SUFU: variants seen among roughly 807,000 people sequenced by gnomAD.
SUFU encodes suppressor of fused homolog.
SUFU carries 7 observed loss-of-function variants against 58.9 expected under a neutral mutation model. That is an observed-to-expected ratio of 0.12 (90% CI 0.07 to 0.22). SUFU has a LOEUF of 0.22. Ranked by LOEUF, SUFU falls within the 10% of genes least tolerant of loss-of-function variation. SUFU has a pLI of 1.00. For missense variants in SUFU, 451 were observed against 641.3 expected, an observed-to-expected ratio of 0.70 and a Z score of 3.20; for synonymous variants, 232 against 254.8, an observed-to-expected ratio of 0.91 and a Z score of 0.85.
At chr10:102,531,627 A>G (rs1386389314) in intron 2 of SUFU, among the ~76,000 whole-genome samples, 1 of 146,820 alleles carries the variant, frequency 6.8e-6, no homozygotes. Context: ...GTAAGGAAGA[A>G]GTGATGAGAG....
chr10:102,578,764 G>A (rs925403691), intron 3 of SUFU, among the ~76,000 whole-genome samples: 1 of 151,882 alleles, frequency 6.6e-6, no homozygotes, highest in East Asian at 1.9e-4. Context: ...CCAGCTGCTC[G>A]GGAGGCTGAG....
intron 2 of SUFU, among the ~76,000 whole-genome samples, chr10:102,519,492 A>C (rs1231670099): frequency 1.4e-5 from 2 of 143,622 alleles, no homozygotes; most frequent in African/African-American, 5.2e-5. Context: ...ATGCCATTGC[A>C]CTCCAGCTTT....
chr10:102,504,071 C>A lies in SUFU; in HGVS notation c.-82C>A. On this transcript the variant is annotated 5_prime_UTR_variant, in exon 1 of 12. Transcript: ENST00000369902. ...CCATCGCCTCGGGGAGTCTCACCCA[C>A]CGAGTCCGCCCGCTGGCCCGTCAGT... 2 of 1,474,090 alleles carry A rather than the reference C, an allele frequency of 1.4e-6. No homozygotes were observed. Among genetic ancestry groups the A allele is most frequent in the Non-Finnish European group, 1.8e-6 (2 of 1,117,286 alleles). The allele number at this position is 1,474,090 out of a possible 1,614,324, so 91.3% of individuals were successfully genotyped here. A position where few individuals can be genotyped will look rare whatever the true frequency, so the allele number is the denominator to read the frequency against.
intron 2 of SUFU, among the ~76,000 whole-genome samples, chr10:102,541,697 C>CTTTTTTTTTTTTT (rs869264798): frequency 2.0e-4 from 11 of 56,092 alleles, no homozygotes; most frequent in African/African-American, 2.9e-4. Flanking sequence ...CCGCGCCCGG[C>CTTTTTTTTTTTTT]TTTTTTTTTT....
chr10:102,615,214 T>A, intron 8 of SUFU, 54 bp from the exon 9 acceptor site: 5 of 1,613,458 alleles, frequency 3.1e-6, no homozygotes, highest in Non-Finnish European at 4.2e-6. Context: ...CCCATCTTGC[T>A]CCTCCCTGAG....
Position 102,503,997 on chromosome 10 carries a change from G to A in SUFU, c.-156G>A, listed in dbSNP as rs61873735. 1.8e-6 allele frequency: 2 copies of A among 1,099,240 alleles called. No individual in the cohort carries two copies. The highest frequency in any genetic ancestry group is 6.2e-5 in the East Asian group (2 of 32,024). The allele number at this position is 1,099,240 out of a possible 1,614,324, so 68.1% of individuals were successfully genotyped here. On this transcript the variant is annotated 5_prime_UTR_variant, in exon 1 of 12. Transcript: ENST00000369902. The stretch of plus-strand genomic sequence containing the variant: ...AGACTCGGCGGCGGCGACAGCCTGG[G>A]CGGACAGTGCGCCGTGCGCAGGCGC...
intron 1 of SUFU, among the ~76,000 whole-genome samples, chr10:102,508,654 CTG>C (rs1467957667): frequency 3.3e-5 from 5 of 152,178 alleles, no homozygotes; most frequent in Non-Finnish European, 7.3e-5. Flanking sequence ...TTAGAACAAA[CTG>C]TAATTAACAT....
At chr10:102,624,154 A>G (rs2063766716) in intron 10 of SUFU, among the ~76,000 whole-genome samples, 1 of 152,112 alleles carries the variant, frequency 6.6e-6, no homozygotes, top group Admixed American at 6.5e-5. Flanking sequence ...CATTCCCATT[A>G]TTATTCGTGA....
At chr10:102,589,454 T>TTTTTTC (rs2063372561) in intron 3 of SUFU, among the ~76,000 whole-genome samples, 1 of 125,964 alleles carries the variant, frequency 7.9e-6, no homozygotes, top group East Asian at 2.2e-4. Context: ...TTTTTTTTTT[T>TTTTTTC]TTTTTTTTTG....
chr10:102,534,487 G>T (rs975314892), intron 2 of SUFU, among the ~76,000 whole-genome samples: 4 of 152,216 alleles, frequency 2.6e-5, no homozygotes, highest in African/African-American at 9.6e-5. Flanking sequence ...AAGTCCCCTA[G>T]GGGACAGGCG....
At chr10:102,597,813 A>G (rs1460393996) in intron 7 of SUFU, among the ~76,000 whole-genome samples, 1 of 152,208 alleles carries the variant, frequency 6.6e-6, no homozygotes, top group Non-Finnish European at 1.5e-5. Context: ...GGCTGTGGGC[A>G]GGGCCTCTGG....
At position 102,572,319 on chromosome 10, in the gene SUFU, G is replaced by A. The variant is rs557606599; in HGVS notation, c.455-20263G>A. ...TGGAACTCCTGACCTCAGGTGATCC[G>A]TCTGCCTCGGCCTCCCAAAGTGCTG... On this transcript the variant is annotated intron_variant, in intron 3 of 11. Transcript: ENST00000369902. Among the ~76,000 whole-genome samples the A allele has an allele frequency of 5.3e-5, 8 of 150,216 alleles. No homozygotes were observed. In the East Asian group the frequency reaches 5.9e-4, roughly 11 times the overall value.
chr10:102,511,551 A>G (rs2062401278), intron 2 of SUFU, among the ~76,000 whole-genome samples: 1 of 152,020 alleles, frequency 6.6e-6, no homozygotes, highest in African/African-American at 2.4e-5. Context: ...CTTCCGTGTC[A>G]TTGTGTTAAA....
chr10:102,538,085 T>G (rs1036514974), intron 2 of SUFU, among the ~76,000 whole-genome samples: 3 of 152,212 alleles, frequency 2.0e-5, no homozygotes, highest in Non-Finnish European at 4.4e-5. Flanking sequence ...TAGTGAATAA[T>G]AGGTGAACAG....
chr10:102,510,427 C>T (rs1164288901), intron 2 of SUFU, among the ~76,000 whole-genome samples: 3 of 150,178 alleles, frequency 2.0e-5, no homozygotes, highest in Non-Finnish European at 4.4e-5. Flanking sequence ...CCAGGATGGT[C>T]TTGATCTCCT....
chr10:102,557,134 T>C (rs1590026341), intron 3 of SUFU, among the ~76,000 whole-genome samples: 2 of 151,578 alleles, frequency 1.3e-5, no homozygotes, highest in South Asian at 4.2e-4. Context: ...TCTCAGCTAC[T>C]TGGGAGGCTG....
intron 3 of SUFU, among the ~76,000 whole-genome samples, chr10:102,551,640 A>G (rs1244021898): frequency 6.6e-6 from 1 of 151,558 alleles, no homozygotes; most frequent in Non-Finnish European, 1.5e-5. Context: ...TCCGTATCAA[A>G]AAAAAAAAAG....
chr10:102,565,905 T>C (rs2063084348), intron 3 of SUFU, among the ~76,000 whole-genome samples: 1 of 152,200 alleles, frequency 6.6e-6, no homozygotes, highest in African/African-American at 2.4e-5. Context: ...ACAAGGTCTC[T>C]CATCTCTGGA....
Position 102,629,131 on chromosome 10 carries a change from G to A in SUFU, c.1366-935G>A, listed in dbSNP as rs1264822359. On this transcript the variant is annotated intron_variant, in intron 11 of 11. Transcript: ENST00000369902. This position sits in a 1 kb window ranked among gnomAD's most constrained non-coding sequence, Gnocchi z 4.7. ...AGATCGCGCCATTGCACTCCAGCCT[G>A]GGCAACAAGAGCGAAACTCCGTCTC... Among the ~76,000 whole-genome samples the A allele has an allele frequency of 6.6e-6, 1 of 152,080 alleles. No homozygotes were observed. Among genetic ancestry groups the A allele is most frequent in the African/African-American group, 2.4e-5 (1 of 41,396 alleles).
Sources: allele counts gnomAD v4.1 joint callset (sites outside exome capture counted in the v4.1 genomes callset), GRCh38; gene constraint gnomAD v4.1.1; non-coding constraint Gnocchi (gnomAD v3.1); transcripts MANE v1.5; gene names NCBI Gene and HGNC (gene_info 2026-07-23, HGNC 2026-07-21).